The following GLI3 variants were observed in gnomAD, a reference collection of about 807,000 sequenced individuals.
GLI3 encodes transcription activator GLI3.
In GLI3, 20 loss-of-function variants were observed where a neutral mutation model predicts 100.8. The observed-to-expected ratio is 0.20, with a 90% CI of 0.14 to 0.29. The LOEUF (loss-of-function observed/expected upper bound fraction) is 0.29. Among genes scored for constraint, GLI3 ranks in the 10% least tolerant of loss-of-function variants. The probability of loss-of-function intolerance (pLI) is 1.00; values close to 1 mark genes in which losing one functional copy is unlikely to be tolerated. For missense variants in GLI3, 2,040 were observed against 2,128.5 expected (o/e 0.96, Z 0.82); for synonymous variants, 938 against 860.5 (o/e 1.09, Z -1.58).
intron 3 of GLI3, among the ~76,000 whole-genome samples, chr7:42,137,393 A>T (rs778004855): frequency 8.6e-5 from 13 of 151,694 alleles, no homozygotes; most frequent in Non-Finnish European, 1.8e-4. Context: ...CCTCAATCTC[A>T]TCTCCCCCTA....
chr7:41,965,437 G>A lies in GLI3; in HGVS notation c.3636C>T (p.Gly1212=). The A allele has an allele frequency of 6.2e-7, 1 of 1,607,636 alleles. No individual in the cohort carries two copies. Among genetic ancestry groups the A allele is most frequent in the South Asian group, 1.1e-5 (1 of 90,992 alleles). ...TGCTGTTCTCCCCGAGGGTCTGATA[G>A]CCCCCAGCAGGCCCGCTCCTCAAGG... ...QNPLRSGPAG[G]YQTLGENSNP... The change falls in exon 15 of 15, where the codon GGC becomes GGT. Residue 1212 remains glycine (G), a synonymous_variant. Transcript: ENST00000395925.
At chr7:42,201,638 G>A (rs981101836) in intron 2 of GLI3, among the ~76,000 whole-genome samples, 1 of 152,134 alleles carries the variant, frequency 6.6e-6, no homozygotes. Context: ...CCAGATAGTA[G>A]AGCCTACTAC....
chr7:42,104,537 T>C (rs1407324453), intron 3 of GLI3, among the ~76,000 whole-genome samples: 5 of 152,244 alleles, frequency 3.3e-5, no homozygotes, highest in Non-Finnish European at 7.3e-5. Context: ...TTACTATGTG[T>C]AATGGGTGTG....
intron 1 of GLI3, among the ~76,000 whole-genome samples, chr7:42,250,771 G>A (rs1260108458): frequency 6.6e-6 from 1 of 152,152 alleles, no homozygotes; most frequent in Non-Finnish European, 1.5e-5. Context: ...CGGGTGGGGG[G>A]GCTGCCATTT....
chr7:42,112,282 A>G (rs534717523), intron 3 of GLI3, among the ~76,000 whole-genome samples: 28 of 152,258 alleles, frequency 1.8e-4, no homozygotes, highest in Non-Finnish European at 3.1e-4. Flanking sequence ...TTGATGAGGA[A>G]CAAGATTTGG....
intron 2 of GLI3, among the ~76,000 whole-genome samples, chr7:42,180,131 CAGAGG>C (rs1457915939): frequency 6.6e-6 from 1 of 152,120 alleles, no homozygotes; most frequent in Non-Finnish European, 1.5e-5. Flanking sequence ...GAGTGGCCTG[CAGAGG>C]ACAGGCAGTG....
At chr7:42,029,335 C>A (rs567751108) in intron 7 of GLI3, among the ~76,000 whole-genome samples, 1 of 152,328 alleles carries the variant, frequency 6.6e-6, no homozygotes, top group South Asian at 2.1e-4. Context: ...ATTTGGGAGT[C>A]AAGGCTCCTC....
intron 3 of GLI3, among the ~76,000 whole-genome samples, chr7:42,084,357 T>C (rs1179555304): frequency 6.6e-6 from 1 of 152,360 alleles, no homozygotes; most frequent in East Asian, 1.9e-4. Flanking sequence ...TCCTCAGTCG[T>C]GAACCAACAA....
intron 1 of GLI3, among the ~76,000 whole-genome samples, chr7:42,230,393 T>C (rs1788675920): frequency 6.6e-6 from 1 of 152,226 alleles, no homozygotes; most frequent in Non-Finnish European, 1.5e-5. Context: ...CCAAATGGAA[T>C]TACTCCAAGG....
chr7:42,071,898 G>A (rs915327512), intron 4 of GLI3, among the ~76,000 whole-genome samples: 3 of 152,084 alleles, frequency 2.0e-5, no homozygotes, highest in Admixed American at 2.0e-4. Flanking sequence ...CACTTTTAGT[G>A]GGAAGAACAG....
chr7:41,999,213 T>C (rs1221740261), intron 10 of GLI3, among the ~76,000 whole-genome samples: 13 of 152,028 alleles, frequency 8.6e-5, no homozygotes. Context: ...TGGATTAACA[T>C]GGGGGAAAAA....
chr7:42,115,587 G>T (rs1384886286), intron 3 of GLI3, among the ~76,000 whole-genome samples: 1 of 152,194 alleles, frequency 6.6e-6, no homozygotes, highest in Admixed American at 6.5e-5. Context: ...CCCCCGGGCT[G>T]CTATTAAGTG....
At chr7:42,005,458 T>TACACACACACACACACACACACACAC (rs3030321) in intron 10 of GLI3, among the ~76,000 whole-genome samples, 1 of 143,518 alleles carries the variant, frequency 7.0e-6, no homozygotes, top group East Asian at 2.1e-4. Flanking sequence ...TGAATTCACA[T>TACACACACACACACACACACACACAC]ACACACACAC....
rs1452738609 is a variant in GLI3 at position 42,148,407 on chromosome 7, T to C, written c.186A>G (p.Pro62=). The C allele has an allele frequency of 6.2e-7, 1 of 1,613,732 alleles. No individual in the cohort carries two copies. Among genetic ancestry groups the C allele is most frequent in the Admixed American group, 1.7e-5 (1 of 60,032 alleles). ...CTTTGCTGAGCCCCTGGACATTCTG[T>C]GGCTGCATAGTGATTGCGTTTCTTC... ...RERRNAITMQ[P]QNVQGLSKVS... Residue 62 remains proline, a synonymous_variant, in exon 3 of 15, where the codon CCA becomes CCG. Transcript: ENST00000395925.
intron 3 of GLI3, among the ~76,000 whole-genome samples, chr7:42,143,491 C>T (rs1218766364): frequency 6.6e-6 from 1 of 152,118 alleles, no homozygotes; most frequent in Non-Finnish European, 1.5e-5. Context: ...AAATATACAT[C>T]CTCTCTTCCA....
chr7:42,036,107 A>G (rs1789430055), intron 7 of GLI3, among the ~76,000 whole-genome samples: 1 of 152,226 alleles, frequency 6.6e-6, no homozygotes, highest in Non-Finnish European at 1.5e-5. Context: ...TGGTATTTTT[A>G]TAGTAGTCTG....
intron 3 of GLI3, among the ~76,000 whole-genome samples, chr7:42,121,734 C>T (rs1260823296): frequency 6.6e-6 from 1 of 152,190 alleles, no homozygotes; most frequent in Non-Finnish European, 1.5e-5. Flanking sequence ...CCTCCTCCCC[C>T]TCCATCAGGA....
intron 2 of GLI3, among the ~76,000 whole-genome samples, chr7:42,202,633 C>A (rs550385385): frequency 1.3e-5 from 2 of 152,132 alleles, no homozygotes; most frequent in Admixed American, 6.5e-5. Flanking sequence ...TGGCTAAGTG[C>A]CCTCACAAGC....
At position 41,965,786 on chromosome 7, in the gene GLI3, A is replaced by T. The variant is rs775230046; in HGVS notation, c.3287T>A (p.Val1096Glu). ...GTTCTGGGAATTTAAATACTGCACCACGTCGTCCGGCAGGAAATCCTCATC... is the reference window on the plus strand; with the variant it reads ...GTTCTGGGAATTTAAATACTGCACCTCGTCGTCCGGCAGGAAATCCTCATC... ...LNDEDFLPDD[V>E]VQYLNSQNQA... The change falls in exon 15 of 15, where the codon GTG becomes GAG. Residue 1096 changes from valine to glutamate, a missense_variant. Val to Glu is a moderately radical substitution (Grantham distance 121). Coordinates refer to ENST00000395925, the MANE Select transcript of GLI3 (RefSeq NM_000168.6). 4.3e-6 allele frequency: 7 copies of T among 1,612,234 alleles called. No homozygotes were observed. The highest frequency in any genetic ancestry group is 5.9e-6 in the Non-Finnish European group (7 of 1,179,868).
Sources: allele counts gnomAD v4.1 joint callset (sites outside exome capture counted in the v4.1 genomes callset), GRCh38; gene constraint gnomAD v4.1.1; transcripts MANE v1.5; gene names NCBI Gene and HGNC (gene_info 2026-07-23, HGNC 2026-07-21).